The following UBE2E2 variants were observed in gnomAD, a reference collection of about 807,000 sequenced individuals.
UBE2E2 encodes the protein ubiquitin-conjugating enzyme E2 E2.
A neutral mutation model predicts 24.7 loss-of-function variants in UBE2E2; 6 were observed. The observed-to-expected ratio is 0.24, with a 90% CI of 0.13 to 0.48. The LOEUF (loss-of-function observed/expected upper bound fraction) is 0.48. Among genes scored for constraint, UBE2E2 ranks in the 20% least tolerant of loss-of-function variants. The probability of loss-of-function intolerance (pLI) is 0.99; values close to 1 mark genes in which losing one functional copy is unlikely to be tolerated. For synonymous variants in UBE2E2, 104 were observed against 83.6 expected, an observed-to-expected ratio of 1.24 and a Z score of -1.33; for missense variants, 169 against 245.0, an observed-to-expected ratio of 0.69 and a Z score of 2.07.
At chr3:23,588,402 GTTTTTTTGTT>G (rs72167986) in intron 5 of UBE2E2, among the ~76,000 whole-genome samples, 5,376 of 109,930 alleles carry the variant, frequency 0.049, 294 homozygotes, top group African/African-American at 0.17. Flanking sequence ...TTGTTTTTTT[GTTTTTTTGTT>G]TTTTTTTTTT....
At chr3:23,489,703 C>T (rs1369902338) in intron 3 of UBE2E2, among the ~76,000 whole-genome samples, 1 of 152,178 alleles carries the variant, frequency 6.6e-6, no homozygotes, top group Non-Finnish European at 1.5e-5. Flanking sequence ...GCTCACTCAC[C>T]TGCTGTGTGG....
intron 3 of UBE2E2, among the ~76,000 whole-genome samples, chr3:23,442,236 A>T (rs1698323878): frequency 6.6e-6 from 1 of 152,156 alleles, no homozygotes; most frequent in Non-Finnish European, 1.5e-5. Context: ...ATTTACACCA[A>T]ACTAAATGCA....
chr3:23,552,256 G>T (rs1015307087), intron 5 of UBE2E2, among the ~76,000 whole-genome samples: 1 of 152,142 alleles, frequency 6.6e-6, no homozygotes, highest in African/African-American at 2.4e-5. Flanking sequence ...CGGAGGCCAA[G>T]GTAGAAAGAT....
chr3:23,283,781 A>G (rs1698541609), intron 3 of UBE2E2, among the ~76,000 whole-genome samples: 1 of 152,086 alleles, frequency 6.6e-6, no homozygotes, highest in Non-Finnish European at 1.5e-5. Flanking sequence ...GCCTTCTCAA[A>G]AGTGTGCTCT....
intron 3 of UBE2E2, among the ~76,000 whole-genome samples, chr3:23,305,275 G>C (rs1699210071): frequency 6.6e-6 from 1 of 152,216 alleles, no homozygotes; most frequent in Non-Finnish European, 1.5e-5. Context: ...TCAGCTTGCA[G>C]CTTTAACAGG....
chr3:23,277,298 G>T (rs529608496), intron 3 of UBE2E2, among the ~76,000 whole-genome samples: 1 of 152,234 alleles, frequency 6.6e-6, no homozygotes, highest in South Asian at 2.1e-4. Context: ...TTAAATCCAT[G>T]CTGACTTATA....
intron 3 of UBE2E2, among the ~76,000 whole-genome samples, chr3:23,472,264 A>G (rs562942058): frequency 6.6e-6 from 1 of 152,336 alleles, no homozygotes; most frequent in African/African-American, 2.4e-5. Context: ...CCCCCAGACA[A>G]TCAAATATTG....
At chr3:23,225,040 T>C (rs888890920) in intron 3 of UBE2E2, among the ~76,000 whole-genome samples, 2 of 151,976 alleles carry the variant, frequency 1.3e-5, no homozygotes, top group African/African-American at 2.4e-5. Flanking sequence ...ATTATTCTGA[T>C]GGATGATGGA....
chr3:23,476,801 G>A (rs1699148261), intron 3 of UBE2E2, among the ~76,000 whole-genome samples: 1 of 152,046 alleles, frequency 6.6e-6, no homozygotes, highest in Admixed American at 6.5e-5. Flanking sequence ...CATTCTTTCT[G>A]TTATAAAAGC....
chr3:23,296,124 C>A (rs924687938), intron 3 of UBE2E2, among the ~76,000 whole-genome samples: 4 of 152,044 alleles, frequency 2.6e-5, no homozygotes, highest in South Asian at 2.1e-4. Context: ...TTCTTTGACC[C>A]TTAGTAGGCT....
At chr3:23,586,404 C>T (rs1696627387) in intron 5 of UBE2E2, among the ~76,000 whole-genome samples, 1 of 152,110 alleles carries the variant, frequency 6.6e-6, no homozygotes, top group African/African-American at 2.4e-5. Context: ...AAGCGATCCT[C>T]CCACCTCAGC....
At chr3:23,497,724 C>T (rs777688528) in intron 3 of UBE2E2, among the ~76,000 whole-genome samples, 15 of 152,060 alleles carry the variant, frequency 9.9e-5, no homozygotes, top group Admixed American at 5.2e-4. Context: ...TAGGCTAGTG[C>T]GTTGTCAGCG....
chr3:23,545,273 G>A (rs1054728575), intron 5 of UBE2E2, among the ~76,000 whole-genome samples: 9 of 152,298 alleles, frequency 5.9e-5, no homozygotes, highest in Non-Finnish European at 8.8e-5. Flanking sequence ...ATTTCAGACT[G>A]TCACATGGAG....
chr3:23,355,561 A>T (rs1015142303), intron 3 of UBE2E2, among the ~76,000 whole-genome samples: 13 of 152,178 alleles, frequency 8.5e-5, no homozygotes. Context: ...TTTTCCTGTG[A>T]TGATTTGAAA....
chr3:23,400,504 A>C (rs1365746937), intron 3 of UBE2E2, among the ~76,000 whole-genome samples: 1 of 151,912 alleles, frequency 6.6e-6, no homozygotes, highest in Non-Finnish European at 1.5e-5. Context: ...GAAAAATAGT[A>C]GTGGATGAGT....
At chr3:23,526,344 G>A (rs1206925535) in intron 4 of UBE2E2, among the ~76,000 whole-genome samples, 1 of 152,142 alleles carries the variant, frequency 6.6e-6, no homozygotes, top group East Asian at 1.9e-4. Flanking sequence ...TCCTTCCTCA[G>A]GATATTCTCT....
intron 3 of UBE2E2, among the ~76,000 whole-genome samples, chr3:23,235,088 T>A: frequency 6.6e-6 from 1 of 152,176 alleles, no homozygotes; most frequent in Admixed American, 6.5e-5. Context: ...ATGAACAAGA[T>A]GGAAGGCATC....
intron 2 of UBE2E2, among the ~76,000 whole-genome samples, chr3:23,214,335 C>T (rs963756474): frequency 6.6e-6 from 1 of 151,948 alleles, no homozygotes; most frequent in African/African-American, 2.4e-5. Context: ...ATCACTGTGG[C>T]CTCAAATTCC....
At chr3:23,347,160 T>C (rs1695580204) in intron 3 of UBE2E2, among the ~76,000 whole-genome samples, 1 of 152,180 alleles carries the variant, frequency 6.6e-6, no homozygotes, top group African/African-American at 2.4e-5. Context: ...TTCTCAAGGA[T>C]CTAGAACTAG....
Sources: allele counts gnomAD v4.1 joint callset (sites outside exome capture counted in the v4.1 genomes callset), GRCh38; gene constraint gnomAD v4.1.1; transcripts MANE v1.5; gene names NCBI Gene and HGNC (gene_info 2026-07-23, HGNC 2026-07-21).